The following GSN variants were observed in gnomAD, a reference collection of about 807,000 sequenced individuals.
GSN encodes the protein actin-depolymerizing factor.
A neutral mutation model predicts 85.7 loss-of-function variants in GSN; 56 were observed. The observed-to-expected ratio is 0.65, with a 90% CI of 0.53 to 0.82. The LOEUF is 0.82. GSN is among the 40% of genes least tolerant of loss of function. The pLI is 0.00. For missense variants in GSN, 857 were observed against 979.8 expected, an observed-to-expected ratio of 0.87 and a Z score of 1.67; for synonymous variants, 373 against 399.1, an observed-to-expected ratio of 0.93 and a Z score of 0.78.
At chr9:121,315,413 A>G (rs1463383646) in intron 7 of GSN, among the ~76,000 whole-genome samples, 1 of 152,180 alleles carries the variant, frequency 6.6e-6, no homozygotes, top group Non-Finnish European at 1.5e-5. Context: ...GCACTAGGGC[A>G]AGTTCCTAGA....
chr9:121,296,818 TGTA>T (rs1210795756), intron 2 of GSN, among the ~76,000 whole-genome samples: 2 of 152,216 alleles, frequency 1.3e-5, no homozygotes, highest in Non-Finnish European at 2.9e-5. Flanking sequence ...CTCCAGGGTC[TGTA>T]GTGAGGGCTC....
At chr9:121,264,057 G>A (rs901875812), upstream of GSN, among the ~76,000 whole-genome samples, 1 of 152,124 alleles carries the variant, frequency 6.6e-6, no homozygotes, top group African/African-American at 2.4e-5. Flanking sequence ...TGGGAACACA[G>A]AGCCAGACCA....
At chr9:121,206,840 C>G (rs1456266272), upstream of GSN, among the ~76,000 whole-genome samples, 2 of 152,166 alleles carry the variant, frequency 1.3e-5, no homozygotes, top group Non-Finnish European at 2.9e-5. Context: ...ACCTCCACCT[C>G]CCAGGCGCAG....
chr9:121,313,904 C>T (rs1264481814), intron 6 of GSN, 30 bp from the exon 7 acceptor site: 2 of 1,559,112 alleles, frequency 1.3e-6, no homozygotes, highest in Non-Finnish European at 1.8e-6. Flanking sequence ...TCACAGCCAC[C>T]CTTCCTCTCC....
At position 121,302,936 on chromosome 9, in the gene GSN, C is replaced by T. The variant is rs376627635; in HGVS notation, c.222C>T (p.Ser74=). 58 of 1,613,878 alleles carry T rather than the reference C, an allele frequency of 3.6e-5. No individual in the cohort carries two copies. Among genetic ancestry groups the T allele is most frequent in the Middle Eastern group, 3.3e-4 (2 of 6,028 alleles). ...GCAATGAGTGCAGCCAGGATGAGAG[C>T]GGGGCGGCCGCCATCTTTACCGTGC... ...WLGNECSQDE[S]GAAAIFTVQL... is the part of the protein sequence containing the mutation. The change falls in exon 4 of 18, where the codon AGC becomes AGT. Residue 74 remains serine, a synonymous_variant. Coordinates refer to ENST00000432226, the MANE Select transcript of GSN (RefSeq NM_198252.3).
chr9:121,310,899 C>T, intron 5 of GSN, 54 bp downstream of exon 5: 1 of 1,540,370 alleles, frequency 6.5e-7, no homozygotes, highest in Non-Finnish European at 9.0e-7. Flanking sequence ...CTGGTCTGAT[C>T]AGGGACTTGG....
At chr9:121,263,181 C>T (rs970002081), upstream of GSN, among the ~76,000 whole-genome samples, 2 of 152,142 alleles carry the variant, frequency 1.3e-5, no homozygotes, top group Non-Finnish European at 2.9e-5. Context: ...ATAGCCTTTC[C>T]TGATCTCCAT....
At chr9:121,324,338 G>A (rs530712673) in intron 11 of GSN, among the ~76,000 whole-genome samples, 7 of 152,338 alleles carry the variant, frequency 4.6e-5, no homozygotes, top group East Asian at 1.9e-4. Context: ...AAATCCATGC[G>A]TTGCACTAAG....
At chr9:121,310,957 G>A (rs932423382) in intron 5 of GSN, 112 bp downstream of exon 5, 6 of 921,534 alleles carry the variant, frequency 6.5e-6, no homozygotes, top group Middle Eastern at 3.1e-4. Context: ...CAAACCACAG[G>A]GACCAGCATT....
chr9:121,318,674 CT>C lies in GSN; in HGVS notation c.987del (p.Pro330LeufsTer109). ...DYPKQTQVSV[L>X]PEGGETPLFK... ...TGCCTCCCCTCCCCAGGTCTCGGTC[CT>C]TCCTGAGGGCGGTGAGACCCCACTG... On this transcript the variant is annotated frameshift_variant, in exon 10 of 18. Transcript: ENST00000432226. LOFTEE classifies it high-confidence loss of function. The surrounding 1 kb of genome is among the most constrained non-coding windows in gnomAD (Gnocchi z 4.3). The C allele has an allele frequency of 6.2e-7, 1 of 1,612,562 alleles. No homozygotes were observed. Among genetic ancestry groups the C allele is most frequent in the Non-Finnish European group, 8.5e-7 (1 of 1,178,488 alleles).
At chr9:121,278,271 T>A (rs914654733) in intron 1 of GSN, among the ~76,000 whole-genome samples, 10 of 152,306 alleles carry the variant, frequency 6.6e-5, no homozygotes, top group Middle Eastern at 3.4e-3. Flanking sequence ...TGATGAGACA[T>A]GCCTGTAGAG....
chr9:121,318,859 C>A lies in GSN; in HGVS notation c.1170C>A (p.Asp390Glu). 1 of 1,613,932 alleles carries A rather than the reference C, an allele frequency of 6.2e-7. No individual in the cohort carries two copies. Among genetic ancestry groups the A allele is most frequent in the Non-Finnish European group, 8.5e-7 (1 of 1,179,918 alleles). ...TGGCCGCCCAGCACGGCATGGATGACGATGGCACAGGCCAGAAACAGGTAC... is the reference window on the plus strand; with the variant it reads ...TGGCCGCCCAGCACGGCATGGATGAAGATGGCACAGGCCAGAAACAGGTAC... ...TAMAAQHGMD[D>E]DGTGQKQIWR... The change falls in exon 10 of 18, where the codon GAC (aspartate) becomes GAA (glutamate). Residue 390 changes from aspartate (D) to glutamate (E), a missense_variant. Asp to Glu is a conservative substitution (Grantham distance 45). Coordinates refer to ENST00000432226, the MANE Select transcript of GSN (RefSeq NM_198252.3). This position sits in a 1 kb window ranked among gnomAD's most constrained non-coding sequence, Gnocchi z 4.3.
chr9:121,247,395 G>A (rs369712448), intron 5 of GSN, among the ~76,000 whole-genome samples: 103 of 152,250 alleles, frequency 6.8e-4, no homozygotes, highest in African/African-American at 2.2e-3. Context: ...AAAATACAAC[G>A]CAACAACTGT....
intron 1 of GSN, among the ~76,000 whole-genome samples, chr9:121,277,610 T>C (rs1317951422): frequency 6.6e-6 from 1 of 151,762 alleles, no homozygotes; most frequent in African/African-American, 2.4e-5. Context: ...CTTATCTGTC[T>C]ATTTTATCTG....
chr9:121,301,806 A>C (rs970367012), intron 2 of GSN, 157 bp from the exon 3 acceptor site: 1 of 1,152,032 alleles, frequency 8.7e-7, no homozygotes, highest in African/African-American at 1.5e-5. Context: ...ACTCGTTGAG[A>C]CAGGGTGCCC....
At chr9:121,242,281 C>T (rs1279931455) in intron 5 of GSN, among the ~76,000 whole-genome samples, 2 of 152,114 alleles carry the variant, frequency 1.3e-5, no homozygotes, top group African/African-American at 4.8e-5. Context: ...TCTAGGATAA[C>T]ATGTCAGAGA....
rs2054175998 is a variant in GSN, at chr9:121,221,874, A to G, written c.-527-9291A>G. On this transcript the variant is annotated intron_variant, in intron 4 of 24. Transcript: ENST00000373823. ...TTTGATGCTCTGCCACTTTCAATTG[A>G]TTTTATGCCTAAGTGCGTTATGTCA... 1.3e-5 allele frequency among the ~76,000 whole-genome samples: 2 copies of G among 152,152 alleles called. 1 individual carries two copies. The highest frequency in any genetic ancestry group is 2.9e-5 in the Non-Finnish European group (2 of 68,016).
intron 2 of GSN, among the ~76,000 whole-genome samples, chr9:121,287,014 CG>C (rs1367853999): frequency 1.3e-5 from 2 of 152,136 alleles, no homozygotes; most frequent in South Asian, 2.1e-4. Context: ...ACGTTCATTC[CG>C]GGGACGTCCC....
chr9:121,214,245 TTCTC>T (rs1205242839), intron 4 of GSN, among the ~76,000 whole-genome samples: 1 of 151,712 alleles, frequency 6.6e-6, no homozygotes, highest in South Asian at 2.1e-4. Flanking sequence ...TTCTCCTTCC[TTCTC>T]TCTCTTTCCT....
Sources: gnomAD v4.1 joint callset for allele counts (sites outside exome capture counted in the v4.1 genomes callset) on GRCh38, gnomAD v4.1.1 for gene constraint, Gnocchi (gnomAD v3.1) non-coding constraint, MANE v1.5 for transcripts, NCBI Gene and HGNC (gene_info 2026-07-23, HGNC 2026-07-21) for gene names.